Variants in SEMA6C observed in about 807,000 individuals in gnomAD.
The protein encoded by SEMA6C is semaphorin-6C.
SEMA6C carries 37 observed loss-of-function variants against 72.9 expected under a neutral mutation model. The ratio of observed to expected loss-of-function variants is 0.51; its 90% CI spans 0.39 to 0.67. The LOEUF (loss-of-function observed/expected upper bound fraction) is 0.67, where lower values mean the gene tolerates loss of function less well. Among genes scored for constraint, SEMA6C ranks in the 30% least tolerant of loss-of-function variants. SEMA6C has a pLI of 0.00. For synonymous variants in SEMA6C, 578 were observed against 554.1 expected (o/e 1.04, Z -0.61); for missense variants, 1,189 against 1,263.6 (o/e 0.94, Z 0.89).
chr1:151,136,960 C>CA lies in SEMA6C; in HGVS notation c.870dup (p.Gly291TrpfsTer8). 6.2e-7 allele frequency: 1 copy of CA among 1,614,166 alleles called. No homozygotes were observed. Among genetic ancestry groups the CA allele is most frequent in the East Asian group, 2.2e-5 (1 of 44,888 alleles). Reference sequence around the variant, plus strand: ...ACATCAAAATAGAAAGTAGAGTCCCCAGGGACAGAGCAGTTGAGCCGAAGC... The same window carrying CA: ...ACATCAAAATAGAAAGTAGAGTCCCCAAGGGACAGAGCAGTTGAGCCGAAGC... On this transcript the variant is annotated frameshift_variant, in exon 11 of 19. Coordinates refer to ENST00000368914, the MANE Select transcript of SEMA6C (RefSeq NM_030913.6). LOFTEE classifies it high-confidence loss of function.
At chr1:151,139,187 T>A (rs1199504757) in intron 6 of SEMA6C, among the ~76,000 whole-genome samples, 1 of 152,168 alleles carries the variant, frequency 6.6e-6, no homozygotes, top group East Asian at 1.9e-4. Context: ...CCAAATAAGC[T>A]GTTTGCTGGC....
At position 151,132,545 on chromosome 1, in the gene SEMA6C, G is replaced by T; in HGVS notation, c.2732C>A (p.Pro911His). 6.4e-7 allele frequency: 1 copy of T among 1,550,980 alleles called. No homozygotes were observed. Among genetic ancestry groups the T allele is most frequent in the Non-Finnish European group, 8.7e-7 (1 of 1,147,062 alleles). The change falls in exon 19 of 19, where the codon CCT (proline) becomes CAT (histidine). Residue 911 changes from proline to histidine, a missense_variant. Transcript: ENST00000368914. ...DVEKPQLSLKPPLVGPSSRQA... is the reference protein window; with the variant it reads ...DVEKPQLSLKHPLVGPSSRQA... ...GCGGGAGGAGGGCCCGACGAGGGGA[G>T]GCTTCAGGGACAACTGGGGCTTCTC...
chr1:151,137,137 G>T, intron 10 of SEMA6C, 63 bp from the exon 11 acceptor site: 1 of 1,452,322 alleles, frequency 6.9e-7, no homozygotes. Context: ...TGCATGCAAG[G>T]AGTGTGGTGA....
chr1:151,142,449 G>A, intron 3 of SEMA6C, 55 bp downstream of exon 3: 2 of 1,605,922 alleles, frequency 1.2e-6, no homozygotes, highest in Non-Finnish European at 1.7e-6. Context: ...CACACAGGGG[G>A]TCTCAGTCTC....
chr1:151,137,445 C>CAAAAAAA (rs5777762), intron 10 of SEMA6C, among the ~76,000 whole-genome samples: 20 of 105,286 alleles, frequency 1.9e-4, no homozygotes, highest in Non-Finnish European at 3.0e-4. Flanking sequence ...GACTCCGTCT[C>CAAAAAAA]AAAAAAAAAA....
chr1:151,139,794 T>C (rs1452806906), intron 4 of SEMA6C, 93 bp from the exon 5 acceptor site: 2 of 1,349,566 alleles, frequency 1.5e-6, no homozygotes, highest in Non-Finnish European at 2.0e-6. Context: ...GCAGACCTTC[T>C]GGCCCTCCCC....
chr1:151,142,054 T>C (rs1682598966), intron 3 of SEMA6C, among the ~76,000 whole-genome samples: 1 of 151,372 alleles, frequency 6.6e-6, no homozygotes, highest in Admixed American at 6.6e-5. Context: ...TTTTTTTTTT[T>C]TTTTTGAGAC....
At chr1:151,134,039 G>T in intron 18 of SEMA6C, 1 of 1,525,216 alleles carries the variant, frequency 6.6e-7, no homozygotes, top group Non-Finnish European at 8.8e-7. Context: ...CAGGGGAAGG[G>T]CCAGGACCCG....
rs1245043119 is a variant in SEMA6C at position 151,132,880 on chromosome 1, G to A, written c.2397C>T (p.Pro799=). 29 of 1,300,796 alleles carry A rather than the reference G, an allele frequency of 2.2e-5. No individual in the cohort carries two copies. Among genetic ancestry groups the A allele is most frequent in the Non-Finnish European group, 2.5e-5 (26 of 1,024,460 alleles). The allele number at this position is 1,300,796 out of a possible 1,614,324, so 80.6% of individuals were successfully genotyped here. A position where few individuals can be genotyped will look rare whatever the true frequency, so the allele number is the denominator to read the frequency against. The change falls in exon 19 of 19, where the codon CCC becomes CCT. Residue 799 remains proline (P), a synonymous_variant. Transcript: ENST00000368914. ...TGGGGCCGCCCAAGAGGGCGGGGGC[G>A]GGCTCCGGCGGGAGCGCCCGCGAGG... The part of the protein sequence containing the change: ...PLTSRALPPE[P]APALLGGPSP...
intron 5 of SEMA6C, 74 bp downstream of exon 5, chr1:151,139,564 C>T: frequency 1.2e-6 from 2 of 1,604,520 alleles, no homozygotes; most frequent in Non-Finnish European, 1.7e-6. Context: ...TTCTTCTTCC[C>T]ACCCACCTGA....
intron 17 of SEMA6C, 57 bp downstream of exon 17, chr1:151,134,563 T>C: frequency 6.2e-7 from 1 of 1,608,918 alleles, no homozygotes; most frequent in South Asian, 1.1e-5. Context: ...ATGGTGTCTG[T>C]GGCCATCATG....
Position 151,132,400 on chromosome 1 carries a change from G to T in SEMA6C, c.*84C>A, listed in dbSNP as rs1183304866. On this transcript the variant is annotated 3_prime_UTR_variant, in exon 19 of 19. Coordinates refer to ENST00000368914, the MANE Select transcript of SEMA6C (RefSeq NM_030913.6). ...AAGGCTGGAGGTGCGGGGCGAGGGGGCGGTGAAACGTCCTGAAGAGCGTCC... is the reference window on the plus strand; with the variant it reads ...AAGGCTGGAGGTGCGGGGCGAGGGGTCGGTGAAACGTCCTGAAGAGCGTCC... 1.3e-6 allele frequency: 2 copies of T among 1,522,776 alleles called. No homozygotes were observed. The highest frequency in any genetic ancestry group is 2.5e-5 in the East Asian group (1 of 40,638). 94.3% of individuals were successfully genotyped at this position (1,522,776 alleles called of 1,614,324 possible). A position where few individuals can be genotyped will look rare whatever the true frequency, so the allele number is the denominator to read the frequency against.
Position 151,132,322 on chromosome 1 carries a change from T to A in SEMA6C, c.*162A>T. 2 of 1,540,004 alleles carry A rather than the reference T, an allele frequency of 1.3e-6. No individual in the cohort carries two copies. The highest frequency in any genetic ancestry group is 1.7e-6 in the Non-Finnish European group (2 of 1,145,506). ...CTGTCGAGGACAGGGGGAAAGACAG[T>A]CAATAAATAAACCCGAGGCGAAAAG... On this transcript the variant is annotated 3_prime_UTR_variant, in exon 19 of 19. Transcript: ENST00000368914.
rs1008622049 is a variant in SEMA6C, at chr1:151,146,303, G to C, written c.-105+130C>G. 6.5e-6 allele frequency: 1 copy of C among 153,068 alleles called. No homozygotes were observed. Among genetic ancestry groups the C allele is most frequent in the African/African-American group, 2.4e-5 (1 of 41,436 alleles). The allele number at this position is 153,068 out of a possible 1,614,324, so 9.5% of individuals were successfully genotyped here. A position where few individuals can be genotyped will look rare whatever the true frequency, so the allele number is the denominator to read the frequency against. On this transcript the variant is annotated intron_variant, in intron 1 of 18. Transcript: ENST00000368914. The surrounding 1 kb of genome is among the most constrained non-coding windows in gnomAD (Gnocchi z 4.6). ...CACCCCAATTTCGTTGACCCTCTCCGTCAGCCAGGCACACCGGGCGCCGAC... is the reference window on the plus strand; with the variant it reads ...CACCCCAATTTCGTTGACCCTCTCCCTCAGCCAGGCACACCGGGCGCCGAC...
chr1:151,139,442 C>T lies in SEMA6C; in HGVS notation c.337G>A (p.Val113Ile), dbSNP rs1294905871. The T allele has an allele frequency of 3.1e-6, 5 of 1,614,020 alleles. No homozygotes were observed. Among genetic ancestry groups the T allele is most frequent in the Non-Finnish European group, 4.2e-6 (5 of 1,179,846 alleles). The change falls in exon 6 of 19, where the codon GTA (valine) becomes ATA (isoleucine). Residue 113 changes from valine (V) to isoleucine (I), a missense_variant. Coordinates refer to ENST00000368914, the MANE Select transcript of SEMA6C (RefSeq NM_030913.6). ...WRSQDVENCA[V>I]RGKLTDECYN... Reference sequence around the variant, plus strand: ...CTCCTTACCGTCAGCTTTCCCCGTACAGCACAGTTCTCCACATCTTGGCTT... The same window carrying T: ...CTCCTTACCGTCAGCTTTCCCCGTATAGCACAGTTCTCCACATCTTGGCTT...
rs1266781914 is a variant in SEMA6C, at chr1:151,134,000, G to A, written c.1759+401C>T. 4.6e-6 allele frequency: 5 copies of A among 1,086,422 alleles called. No individual in the cohort carries two copies. The Admixed American group carries it at 6.2e-5, about 14-fold the overall frequency. 67.3% of individuals were successfully genotyped at this position (1,086,422 alleles called of 1,614,324 possible). On this transcript the variant is annotated intron_variant, in intron 18 of 18. Transcript: ENST00000368914. The surrounding 1 kb of genome is among the most constrained non-coding windows in gnomAD (Gnocchi z 5.9). ...CAAGAGTGGAAGACTGGGGCCGGGG[G>A]TGGGCATCACTGGGAGGACTGGGGG...
At chr1:151,137,570 G>T in intron 10 of SEMA6C, 141 bp downstream of exon 10, 1 of 697,334 alleles carries the variant, frequency 1.4e-6, no homozygotes, top group African/African-American at 1.8e-5. Context: ...CAGAGGGCTT[G>T]GGGCTATTCC....
At chr1:151,138,132 G>A (rs746026724) in intron 8 of SEMA6C, 27 bp from the exon 9 acceptor site, 1 of 1,612,020 alleles carries the variant, frequency 6.2e-7, no homozygotes, top group Non-Finnish European at 8.5e-7. Context: ...AGTGGGGTCA[G>A]GGGAGGGCTC....
Position 151,132,497 on chromosome 1 carries a change from C to A in SEMA6C, c.2780G>T (p.Arg927Leu), listed in dbSNP as rs587681409. Residue 927 changes from arginine (R) to leucine (L), a missense_variant, in exon 19 of 19, where the codon CGT becomes CTT. By Grantham distance (102) the Arg-to-Leu change is moderately radical (BLOSUM62 -2). Around this residue, in one of 2 missense-constraint regions of SEMA6C, gnomAD observed 721 missense variants for 686.2 expected, o/e 1.05. Transcript: ENST00000368914. ...SSRQAVPNGGRFNF is the reference protein window; with the variant it reads ...SSRQAVPNGGLFNF ...GGGCCGCTCCCTTTAAAAGTTGAAACGGCCGCCGTTCGGGACGGCCTGGCG... is the reference window on the plus strand; with the variant it reads ...GGGCCGCTCCCTTTAAAAGTTGAAAAGGCCGCCGTTCGGGACGGCCTGGCG... 2.6e-6 allele frequency: 4 copies of A among 1,548,636 alleles called. No homozygotes were observed. In the Admixed American group the frequency reaches 5.9e-5, roughly 23 times the overall value.
Sources: gnomAD v4.1 joint callset for allele counts (sites outside exome capture counted in the v4.1 genomes callset) on GRCh38, gnomAD v4.1.1 for gene constraint, gnomAD v4.1.1 regional missense constraint, Gnocchi (gnomAD v3.1) non-coding constraint, MANE v1.5 for transcripts, NCBI Gene and HGNC (gene_info 2026-07-23, HGNC 2026-07-21) for gene names.